Variants in ESRRG observed in about 807,000 individuals in gnomAD.
The protein encoded by ESRRG is estrogen-related receptor gamma.
ESRRG carries 13 observed loss-of-function variants against 44.0 expected under a neutral mutation model. That is an observed-to-expected ratio of 0.30 (90% confidence interval 0.19 to 0.47). ESRRG has a LOEUF of 0.47. Among genes scored for constraint, ESRRG ranks in the 20% least tolerant of loss-of-function variants. The probability of loss-of-function intolerance (pLI) is 1.00; values close to 1 mark genes in which losing one functional copy is unlikely to be tolerated. For missense variants in ESRRG, 395 were observed against 580.6 expected (o/e 0.68, Z 3.29); for synonymous variants, 215 against 214.6 (o/e 1.00, Z -0.02).
intron 2 of ESRRG, among the ~76,000 whole-genome samples, chr1:216,821,737 T>C (rs987627560): frequency 3.2e-5 from 4 of 124,512 alleles, no homozygotes; most frequent in African/African-American, 1.2e-4. Context: ...AATAAATAAA[T>C]AAATAAAATT....
chr1:216,923,283 T>TA (rs1402710860), intron 2 of ESRRG, among the ~76,000 whole-genome samples: 2 of 152,194 alleles, frequency 1.3e-5, no homozygotes, highest in Non-Finnish European at 2.9e-5. Context: ...TAAATCTTAT[T>TA]AAACTAACAA....
At position 216,627,551 on chromosome 1, in the gene ESRRG, A is replaced by G. The variant is rs572818099; in HGVS notation, c.589+23422T>C. Among the ~76,000 whole-genome samples the G allele has an allele frequency of 2.6e-5, 4 of 152,322 alleles. No individual in the cohort carries two copies. The South Asian group carries it at 8.3e-4, about 32-fold the overall frequency. On this transcript the variant is annotated intron_variant, in intron 3 of 6. Transcript: ENST00000408911. ...AGGGTCAAGATATAAACATTGAAAC[A>G]AAACCAAACTTTAACCTTTGATAGA...
chr1:216,706,443 T>C (rs955331350), intron 1 of ESRRG, among the ~76,000 whole-genome samples: 2 of 152,220 alleles, frequency 1.3e-5, no homozygotes, highest in Non-Finnish European at 2.9e-5. Context: ...CAGAAAATGC[T>C]GGCTGTGCCC....
chr1:216,533,077 G>A (rs2049885083), intron 5 of ESRRG, among the ~76,000 whole-genome samples: 2 of 152,134 alleles, frequency 1.3e-5, no homozygotes, highest in African/African-American at 4.8e-5. Context: ...CACCTGACTA[G>A]CTCAATTATA....
In ESRRG at chr1:216,542,072, CAGAGAGAGAGAGAGAGAG is replaced by C. The variant is rs3040899; in HGVS notation, c.862+22129_862+22146del. On this transcript the variant is annotated intron_variant, in intron 5 of 6. Transcript: ENST00000408911. ...GTGGGTATAAGGTGTGTGTCTATGA[CAGAGAGAGAGAGAGAGAG>C]AGAGAGAGAGAGAGAGAGAGATAGA... 5.0e-5 allele frequency among the ~76,000 whole-genome samples: 7 copies of C among 139,846 alleles called. No homozygotes were observed. In the South Asian group the frequency reaches 1.2e-3, roughly 24 times the overall value. 91.7% of individuals were successfully genotyped at this position (139,846 alleles called of 152,430 possible).
chr1:216,748,103 A>G (rs1348733446), intron 2 of ESRRG, among the ~76,000 whole-genome samples: 2 of 152,196 alleles, frequency 1.3e-5, no homozygotes, highest in African/African-American at 2.4e-5. Flanking sequence ...AATAAAGTTT[A>G]GAAAATAAGA....
intron 1 of ESRRG, among the ~76,000 whole-genome samples, chr1:217,122,496 A>T (rs772844895): frequency 2.0e-5 from 3 of 152,124 alleles, no homozygotes; most frequent in Non-Finnish European, 2.9e-5. Context: ...CAATCATCAC[A>T]TCTCAGTAGC....
At chr1:216,925,921 GCCTGGGCA>G (rs1190024287) in intron 2 of ESRRG, among the ~76,000 whole-genome samples, 1 of 152,138 alleles carries the variant, frequency 6.6e-6, no homozygotes, top group Admixed American at 6.5e-5. Flanking sequence ...TGGCACTCCA[GCCTGGGCA>G]ACAGAGCTAG....
chr1:217,074,479 T>C (rs2091023459), intron 1 of ESRRG, among the ~76,000 whole-genome samples: 1 of 152,040 alleles, frequency 6.6e-6, no homozygotes, highest in Non-Finnish European at 1.5e-5. Context: ...AACTAGTTTT[T>C]CTAAGTAATT....
At chr1:216,996,377 T>C (rs2076381601) in intron 1 of ESRRG, among the ~76,000 whole-genome samples, 1 of 150,520 alleles carries the variant, frequency 6.6e-6, no homozygotes, top group Admixed American at 6.6e-5. Flanking sequence ...ATGGATAGGG[T>C]AAGGGGATGA....
At chr1:216,652,886 C>G (rs556298544) in intron 2 of ESRRG, among the ~76,000 whole-genome samples, 1 of 151,984 alleles carries the variant, frequency 6.6e-6, no homozygotes, top group Non-Finnish European at 1.5e-5. Context: ...CCACCCTGTT[C>G]GGCTCCCCCT....
chr1:217,115,864 G>A (rs575720948), intron 1 of ESRRG, among the ~76,000 whole-genome samples: 47 of 152,098 alleles, frequency 3.1e-4, no homozygotes, highest in African/African-American at 9.4e-4. Context: ...CAAGAGCCCT[G>A]GGGCTTTTGT....
At chr1:216,995,968 C>T (rs2076323608) in intron 1 of ESRRG, among the ~76,000 whole-genome samples, 2 of 151,988 alleles carry the variant, frequency 1.3e-5, no homozygotes, top group East Asian at 3.9e-4. Flanking sequence ...CACTCAATTC[C>T]AGGATTCAAA....
chr1:216,847,676 A>C (rs2095776377), intron 2 of ESRRG, among the ~76,000 whole-genome samples: 1 of 152,102 alleles, frequency 6.6e-6, no homozygotes. Flanking sequence ...GGGCATGTCC[A>C]GGTCTGTGAT....
chr1:217,060,138 C>A (rs1274232273), intron 1 of ESRRG, among the ~76,000 whole-genome samples: 4 of 148,934 alleles, frequency 2.7e-5, no homozygotes, highest in African/African-American at 9.8e-5. Context: ...TATACTTATG[C>A]AACATTAATA....
intron 2 of ESRRG, among the ~76,000 whole-genome samples, chr1:216,816,886 G>A (rs1042948717): frequency 2.0e-5 from 3 of 152,052 alleles, no homozygotes; most frequent in Admixed American, 1.3e-4. Context: ...CATCTATCAC[G>A]GTTTCATTAT....
At chr1:216,723,470 C>A, upstream of ESRRG, 1 of 630,314 alleles carries the variant, frequency 1.6e-6, no homozygotes, top group Non-Finnish European at 2.8e-6. Context: ...CCGATTGGAG[C>A]TTATTAATAT....
chr1:216,968,587 A>G (rs533677588), intron 1 of ESRRG, among the ~76,000 whole-genome samples: 9 of 152,210 alleles, frequency 5.9e-5, no homozygotes, highest in Non-Finnish European at 1.0e-4. Context: ...CTGTTACATT[A>G]ATCTACTTGC....
At chr1:216,944,239 C>T (rs144614755) in intron 1 of ESRRG, among the ~76,000 whole-genome samples, 17 of 152,162 alleles carry the variant, frequency 1.1e-4, no homozygotes, top group South Asian at 2.1e-4. Flanking sequence ...CAAACTCTGA[C>T]GGAGGAAGCT....
Sources: gnomAD v4.1 joint callset for allele counts (sites outside exome capture counted in the v4.1 genomes callset) on GRCh38, gnomAD v4.1.1 for gene constraint, MANE v1.5 for transcripts, NCBI Gene and HGNC (gene_info 2026-07-23, HGNC 2026-07-21) for gene names.